Variants in CSMD3 observed in about 807,000 individuals in gnomAD.
CSMD3 encodes CUB and sushi domain-containing protein 3.
A neutral mutation model predicts 435.2 loss-of-function variants in CSMD3; 177 were observed. The observed-to-expected ratio is 0.41, with a 90% confidence interval of 0.36 to 0.46. The LOEUF is 0.46. Among genes scored for constraint, CSMD3 ranks in the 20% least tolerant of loss-of-function variants. The probability of loss-of-function intolerance (pLI) is 0.34; values close to 1 mark genes in which losing one functional copy is unlikely to be tolerated. For missense variants in CSMD3, 4,265 were observed against 4,504.6 expected, an observed-to-expected ratio of 0.95 and a Z score of 1.52; for synonymous variants, 1,656 against 1,520.5, an observed-to-expected ratio of 1.09 and a Z score of -2.07.
At chr8:112,849,189 C>T (rs948952484) in intron 11 of CSMD3, among the ~76,000 whole-genome samples, 6 of 152,004 alleles carry the variant, frequency 3.9e-5, no homozygotes, top group Admixed American at 3.9e-4. Flanking sequence ...GAATTATATT[C>T]TTCTATGCCC....
intron 5 of CSMD3, among the ~76,000 whole-genome samples, chr8:113,070,912 G>T (rs1446454488): frequency 1.3e-5 from 2 of 151,928 alleles, no homozygotes; most frequent in Non-Finnish European, 2.9e-5. Context: ...TTACCATAAA[G>T]AGCATACCAA....
chr8:112,793,494 C>T (rs1002693195), intron 13 of CSMD3, among the ~76,000 whole-genome samples: 22 of 152,130 alleles, frequency 1.4e-4, no homozygotes, highest in Admixed American at 1.0e-3. Context: ...ACTATTTCTT[C>T]TTACTGTTGT....
intron 2 of CSMD3, chr8:113,311,536 A>G (rs2093868843): frequency 6.6e-6 from 1 of 152,132 alleles, no homozygotes; most frequent in African/African-American, 2.4e-5. Flanking sequence ...AGAGAACAGC[A>G]AACACACCAT....
intron 5 of CSMD3, among the ~76,000 whole-genome samples, chr8:113,087,515 G>A (rs1398451356): frequency 3.9e-5 from 6 of 152,172 alleles, no homozygotes. Flanking sequence ...CAGAGATATA[G>A]ATCAATGGAA....
chr8:113,217,406 T>C (rs769288701), intron 3 of CSMD3, among the ~76,000 whole-genome samples: 10 of 151,478 alleles, frequency 6.6e-5, no homozygotes, highest in Non-Finnish European at 1.3e-4. Flanking sequence ...ACACAAGTAT[T>C]GGAATTAATA....
intron 10 of CSMD3, among the ~76,000 whole-genome samples, chr8:112,876,819 T>C (rs1422812186): frequency 6.6e-6 from 1 of 152,158 alleles, no homozygotes; most frequent in African/African-American, 2.4e-5. Context: ...AGTCAAATTG[T>C]CTCTGTTTGC....
In CSMD3 at chr8:112,635,223, G is replaced by T. The variant is rs180766911; in HGVS notation, c.3715+1594C>A. ...TCCTATATTCAAGGGATTGTGCCAG[G>T]TGTCTGATTTATATGACTAATTTCT... On this transcript the variant is annotated intron_variant, in intron 22 of 70. Transcript: ENST00000297405. Among the ~76,000 whole-genome samples, 499 of 152,064 alleles carry T rather than the reference G, an allele frequency of 3.3e-3. 1 individual carries two copies. The highest frequency in any genetic ancestry group is 0.01 in the African/African-American group (428 of 41,510).
At chr8:112,365,778 G>T (rs1458208175) in intron 38 of CSMD3, among the ~76,000 whole-genome samples, 2 of 152,030 alleles carry the variant, frequency 1.3e-5, no homozygotes, top group African/African-American at 4.8e-5. Context: ...AGAAGATGAA[G>T]CCTGCAAAAG....
intron 13 of CSMD3, among the ~76,000 whole-genome samples, chr8:112,741,155 T>G (rs975280914): frequency 6.6e-6 from 1 of 151,740 alleles, no homozygotes; most frequent in South Asian, 2.1e-4. Flanking sequence ...AAATATGATG[T>G]GTCATCAAGA....
In CSMD3 at chr8:112,657,528, G is replaced by A. The variant is rs7011082; in HGVS notation, c.2817-1187C>T. ...AAACATATTAATTTATTTTATAAAC[G>A]TCAATCGACACAGGGCTACTTTTAA... On this transcript the variant is annotated intron_variant, in intron 17 of 70. Coordinates refer to ENST00000297405, the MANE Select transcript of CSMD3 (RefSeq NM_198123.2). 3.6e-3 allele frequency among the ~76,000 whole-genome samples: 542 copies of A among 151,870 alleles called. 2 individuals are homozygous for A. Among genetic ancestry groups the A allele is most frequent in the African/African-American group, 0.012 (506 of 41,472 alleles).
intron 4 of CSMD3, among the ~76,000 whole-genome samples, chr8:113,163,076 A>G (rs1182059752): frequency 1.3e-5 from 2 of 152,260 alleles, no homozygotes; most frequent in African/African-American, 4.8e-5. Context: ...CATTCAATAG[A>G]TATTTGTTAA....
chr8:113,038,495 A>T (rs1217384639), intron 5 of CSMD3, among the ~76,000 whole-genome samples: 1 of 152,220 alleles, frequency 6.6e-6, no homozygotes, highest in Non-Finnish European at 1.5e-5. Flanking sequence ...GATTACAGCA[A>T]AAATGGAAAT....
At chr8:112,836,936 GTAATTA>G (rs901220707) in intron 11 of CSMD3, among the ~76,000 whole-genome samples, 3 of 151,802 alleles carry the variant, frequency 2.0e-5, no homozygotes, top group African/African-American at 4.8e-5. Context: ...CTTGATGATA[GTAATTA>G]CATGCTTAAA....
At chr8:112,908,848 TAAAC>T (rs760408008) in intron 10 of CSMD3, among the ~76,000 whole-genome samples, 23 of 151,574 alleles carry the variant, frequency 1.5e-4, no homozygotes, top group Non-Finnish European at 3.3e-4. Context: ...AAAATACTCT[TAAAC>T]AGGCAGGAAA....
At chr8:112,455,625 AAATAAATC>A (rs1164075245) in intron 32 of CSMD3, among the ~76,000 whole-genome samples, 22 of 146,722 alleles carry the variant, frequency 1.5e-4, no homozygotes, top group Admixed American at 4.0e-4. Flanking sequence ...ATAAATAAAT[AAATAAATC>A]AAAGCATAAT....
rs1461985389 is a variant in CSMD3 at position 113,266,295 on chromosome 8, G to A, written c.514+12297C>T. ...AAATAGTAAAACTATCCTTTTATATGTCATTATTTTAAAAAGACAAAGATT... is the reference window on the plus strand; with the variant it reads ...AAATAGTAAAACTATCCTTTTATATATCATTATTTTAAAAAGACAAAGATT... On this transcript the variant is annotated intron_variant, in intron 3 of 70. Coordinates refer to ENST00000297405, the MANE Select transcript of CSMD3 (RefSeq NM_198123.2). Among the ~76,000 whole-genome samples the A allele has an allele frequency of 2.0e-5, 3 of 150,758 alleles. No homozygotes were observed. The East Asian group carries it at 5.8e-4, about 29-fold the overall frequency.
rs560888170 is a variant in CSMD3 at position 112,223,099 on chromosome 8, T to A, written c.*1672A>T. On this transcript the variant is annotated 3_prime_UTR_variant, in exon 71 of 71. Coordinates refer to ENST00000297405, the MANE Select transcript of CSMD3 (RefSeq NM_198123.2). ...AACATTGTTTAAACAAGATCTTAAA[T>A]GTATTAGCCTTAACATTAATGAATG... 1.4e-4 allele frequency: 56 copies of A among 398,396 alleles called. No homozygotes were observed. Among genetic ancestry groups the A allele is most frequent in the Non-Finnish European group, 2.3e-4 (51 of 225,756 alleles). The allele number at this position is 398,396 out of a possible 1,614,324, so 24.7% of individuals were successfully genotyped here.
chr8:112,312,546 G>A (rs570441725), intron 49 of CSMD3, among the ~76,000 whole-genome samples: 10 of 152,148 alleles, frequency 6.6e-5, no homozygotes, highest in East Asian at 3.9e-4. Context: ...GTGAGCCACC[G>A]CGCCTGGCCA....
At chr8:113,158,758 A>G (rs2091982187) in intron 4 of CSMD3, among the ~76,000 whole-genome samples, 1 of 151,982 alleles carries the variant, frequency 6.6e-6, no homozygotes, top group Non-Finnish European at 1.5e-5. Flanking sequence ...ATATGTGTAT[A>G]TATACAGATA....
Sources: allele counts gnomAD v4.1 joint callset (sites outside exome capture counted in the v4.1 genomes callset), GRCh38; gene constraint gnomAD v4.1.1; transcripts MANE v1.5; gene names NCBI Gene and HGNC (gene_info 2026-07-23, HGNC 2026-07-21).